TENM3: variants seen among roughly 807,000 people sequenced by gnomAD.
TENM3 encodes the protein teneurin-3.
TENM3 carries 63 observed loss-of-function variants against 255.1 expected under a neutral mutation model. The ratio of observed to expected loss-of-function variants is 0.25; its 90% CI spans 0.20 to 0.30. The LOEUF is 0.30. TENM3 is among the 10% of genes least tolerant of loss of function. The pLI is 1.00. For synonymous variants in TENM3, 1,306 were observed against 1,322.3 expected (o/e 0.99, Z 0.27); for missense variants, 2,929 against 3,461.1 (o/e 0.85, Z 3.86).
chr4:181,508,648 A>G, the TENM3 span, among the ~76,000 whole-genome samples: 1 of 152,040 alleles, frequency 6.6e-6, no homozygotes, highest in Non-Finnish European at 1.5e-5. Context: ...TGACACTGTG[A>G]ATTATTTTAA....
chr4:181,537,651 A>G, the TENM3 span, among the ~76,000 whole-genome samples: 1 of 152,218 alleles, frequency 6.6e-6, no homozygotes, highest in African/African-American at 2.4e-5. Context: ...CCAGGTGATA[A>G]AGATGGCATT....
At chr4:182,609,181 A>G (rs1438432901) in intron 4 of TENM3, among the ~76,000 whole-genome samples, 1 of 152,088 alleles carries the variant, frequency 6.6e-6, no homozygotes, top group Non-Finnish European at 1.5e-5. Flanking sequence ...TTTTGTAGAG[A>G]CTGGGTCTGC....
chr4:182,434,136 G>C (rs980436459), intron 3 of TENM3, among the ~76,000 whole-genome samples: 1 of 151,584 alleles, frequency 6.6e-6, no homozygotes, highest in African/African-American at 2.4e-5. Flanking sequence ...AAAAGGTAGA[G>C]TAGTTTCAGA....
intron 3 of TENM3, among the ~76,000 whole-genome samples, chr4:182,410,104 G>C (rs1769881100): frequency 6.6e-6 from 1 of 152,196 alleles, no homozygotes; most frequent in South Asian, 2.1e-4. Context: ...TGGGGTTACA[G>C]GCATGGGCCA....
chr4:182,107,615 A>G, the TENM3 span, among the ~76,000 whole-genome samples: 1 of 152,234 alleles, frequency 6.6e-6, no homozygotes, highest in African/African-American at 2.4e-5. Context: ...AATCCAGTGA[A>G]GGATGAATCT....
chr4:182,337,082 A>G (rs1386398864), intron 2 of TENM3, among the ~76,000 whole-genome samples: 1 of 152,212 alleles, frequency 6.6e-6, no homozygotes, highest in East Asian at 1.9e-4. Context: ...TCTAGTTTCT[A>G]TTAGAAAACC....
chr4:182,325,581 A>AT (rs530261823), intron 2 of TENM3, among the ~76,000 whole-genome samples: 152 of 152,202 alleles, frequency 1.0e-3, no homozygotes, highest in Non-Finnish European at 6.6e-4. Context: ...TTTTAAACCC[A>AT]TTTTTTTCAT....
the TENM3 span, among the ~76,000 whole-genome samples, chr4:181,465,280 G>T: frequency 2.1e-5 from 3 of 142,734 alleles, no homozygotes; most frequent in Admixed American, 2.1e-4. Context: ...AAAGACAACT[G>T]AAAAAAAAAA....
At chr4:182,301,111 A>C (rs947633953) in intron 1 of TENM3, among the ~76,000 whole-genome samples, 6 of 152,234 alleles carry the variant, frequency 3.9e-5, no homozygotes, top group Admixed American at 3.9e-4. Flanking sequence ...ATGATTAAAA[A>C]GGTATATACA....
the TENM3 span, among the ~76,000 whole-genome samples, chr4:181,725,840 T>C: frequency 6.6e-6 from 1 of 152,216 alleles, no homozygotes; most frequent in Non-Finnish European, 1.5e-5. Context: ...TCTATTGTGT[T>C]CATTCATCAA....
the TENM3 span, among the ~76,000 whole-genome samples, chr4:182,135,551 A>G: frequency 1.3e-5 from 2 of 152,248 alleles, no homozygotes; most frequent in African/African-American, 2.4e-5. Flanking sequence ...AAATATCAAA[A>G]TATCAAAATC....
chr4:182,311,187 G>A (rs771929495), intron 1 of TENM3, among the ~76,000 whole-genome samples: 2 of 152,238 alleles, frequency 1.3e-5, no homozygotes, highest in Non-Finnish European at 2.9e-5. Context: ...TCTTTTCCCT[G>A]AAGAAGCAGC....
At chr4:181,679,978 C>A in the TENM3 span, among the ~76,000 whole-genome samples, 1 of 152,102 alleles carries the variant, frequency 6.6e-6, no homozygotes, top group Admixed American at 6.6e-5. Flanking sequence ...TGGCAAATTG[C>A]TCGTGTATGT....
the TENM3 span, among the ~76,000 whole-genome samples, chr4:181,921,367 C>T: frequency 1.3e-5 from 2 of 152,186 alleles, no homozygotes. Context: ...TACCCATGAG[C>T]ATGGAATGTC....
At chr4:181,997,067 A>G in the TENM3 span, among the ~76,000 whole-genome samples, 4 of 152,198 alleles carry the variant, frequency 2.6e-5, no homozygotes, top group African/African-American at 9.6e-5. Flanking sequence ...GGCTGTCTAC[A>G]GATTTTGTGG....
At chr4:181,935,274 T>A in the TENM3 span, among the ~76,000 whole-genome samples, 3 of 152,246 alleles carry the variant, frequency 2.0e-5, no homozygotes, top group Non-Finnish European at 2.9e-5. Flanking sequence ...TTAGTGTCAT[T>A]TTATAAATAA....
At chr4:182,781,042 C>T (rs1252998280) in intron 24 of TENM3, among the ~76,000 whole-genome samples, 128 of 151,200 alleles carry the variant, frequency 8.5e-4, no homozygotes, top group African/African-American at 3.0e-3. Flanking sequence ...ATTGAATACC[C>T]TTTATTTCCT....
chr4:181,963,195 G>T, the TENM3 span, among the ~76,000 whole-genome samples: 3 of 152,136 alleles, frequency 2.0e-5, no homozygotes, highest in African/African-American at 7.2e-5. Flanking sequence ...AAACAGATGG[G>T]GAGCCCGATC....
At chr4:182,724,588 C>A (rs1264881000) in intron 13 of TENM3, among the ~76,000 whole-genome samples, 2 of 152,204 alleles carry the variant, frequency 1.3e-5, no homozygotes, top group Non-Finnish European at 2.9e-5. Context: ...GTGTCAATCT[C>A]ATGCAGTTTT....
Sources: gnomAD v4.1 joint callset for allele counts (sites outside exome capture counted in the v4.1 genomes callset) on GRCh38, gnomAD v4.1.1 for gene constraint, MANE v1.5 for transcripts, NCBI Gene and HGNC (gene_info 2026-07-23, HGNC 2026-07-21) for gene names.